UBE2R2: variants seen among roughly 807,000 people sequenced by gnomAD.
UBE2R2 encodes the protein ubiquitin conjugating enzyme E2 R2.
In UBE2R2, 1 loss-of-function variant was observed where a neutral mutation model predicts 27.8. The observed-to-expected ratio is 0.04, with a 90% CI of 0.01 to 0.17. The LOEUF is 0.17. Ranked by LOEUF, UBE2R2 falls within the 10% of genes least tolerant of loss-of-function variation. The pLI is 1.00. For synonymous variants in UBE2R2, 106 were observed against 113.3 expected (o/e 0.94, Z 0.41); for missense variants, 100 against 291.0 (o/e 0.34, Z 4.78).
chr9:33,902,254 T>C (rs937606645), intron 3 of UBE2R2, among the ~76,000 whole-genome samples: 1 of 151,160 alleles, frequency 6.6e-6, no homozygotes, highest in African/African-American at 2.5e-5. Flanking sequence ...CTCACCATGT[T>C]GCCCAGGCTG....
chr9:33,823,255 C>T (rs1001996705), intron 1 of UBE2R2, among the ~76,000 whole-genome samples: 2 of 152,024 alleles, frequency 1.3e-5, no homozygotes, highest in African/African-American at 4.8e-5. Context: ...CCAGGCTTGT[C>T]TTGAACTCCT....
intron 2 of UBE2R2, among the ~76,000 whole-genome samples, chr9:33,889,965 C>T (rs1485386297): frequency 6.6e-6 from 1 of 152,160 alleles, no homozygotes; most frequent in African/African-American, 2.4e-5. Flanking sequence ...CAGGCGTGAG[C>T]CACCGCACCC....
chr9:33,913,239 G>A (rs550092519), intron 4 of UBE2R2, among the ~76,000 whole-genome samples: 4 of 152,154 alleles, frequency 2.6e-5, no homozygotes, highest in Middle Eastern at 3.4e-3. Flanking sequence ...AATTACAGGC[G>A]TGAGCCACTG....
At chr9:33,887,820 G>A (rs1587470152) in intron 2 of UBE2R2, among the ~76,000 whole-genome samples, 1 of 152,138 alleles carries the variant, frequency 6.6e-6, no homozygotes, top group Admixed American at 6.6e-5. Context: ...GGGATTACAG[G>A]CATGCGCCAC....
At chr9:33,849,822 A>G (rs1010840201) in intron 1 of UBE2R2, among the ~76,000 whole-genome samples, 7 of 152,048 alleles carry the variant, frequency 4.6e-5, no homozygotes, top group African/African-American at 7.2e-5. Flanking sequence ...AGATCTTACT[A>G]CTGCGCTCCA....
At chr9:33,889,668 T>G (rs1038326241) in intron 2 of UBE2R2, among the ~76,000 whole-genome samples, 1 of 152,212 alleles carries the variant, frequency 6.6e-6, no homozygotes, top group African/African-American at 2.4e-5. Flanking sequence ...GAGCAAACTT[T>G]TGTCTTGCAA....
intron 4 of UBE2R2, among the ~76,000 whole-genome samples, chr9:33,913,551 C>T (rs926816092): frequency 2.6e-5 from 4 of 152,078 alleles, no homozygotes; most frequent in Non-Finnish European, 4.4e-5. Context: ...TGTGAGCCAC[C>T]GTGCCTGGCC....
intron 1 of UBE2R2, among the ~76,000 whole-genome samples, chr9:33,857,008 T>C (rs975697750): frequency 3.4e-5 from 5 of 149,018 alleles, no homozygotes; most frequent in Admixed American, 2.0e-4. Context: ...GTGATTCTCC[T>C]GCCTTAGCCT....
chr9:33,839,022 C>G (rs1475177189), intron 1 of UBE2R2, among the ~76,000 whole-genome samples: 1 of 148,586 alleles, frequency 6.7e-6, no homozygotes, highest in Non-Finnish European at 1.5e-5. Context: ...ATGGAGGTTG[C>G]AGTGAGCTGA....
In UBE2R2 at chr9:33,819,109, G is replaced by T. The variant is rs1254702317; in HGVS notation, c.177+1175G>T. Among the ~76,000 whole-genome samples, 4 of 152,228 alleles carry T rather than the reference G, an allele frequency of 2.6e-5. No individual in the cohort carries two copies. In the South Asian group the frequency reaches 6.2e-4, roughly 24 times the overall value. On this transcript the variant is annotated intron_variant, in intron 1 of 4. Transcript: ENST00000263228. ...AAATGAGTGCTTAGGAATCCATTTAGTTTTATTTTTTTATTTTCAAAATTA... is the reference window on the plus strand; with the variant it reads ...AAATGAGTGCTTAGGAATCCATTTATTTTTATTTTTTTATTTTCAAAATTA...
intron 1 of UBE2R2, among the ~76,000 whole-genome samples, chr9:33,845,537 C>A (rs891815051): frequency 2.0e-5 from 3 of 151,902 alleles, no homozygotes; most frequent in Non-Finnish European, 2.9e-5. Context: ...CGTGAGCCAC[C>A]GCACCCAGCT....
At chr9:33,885,088 T>A (rs571572352) in intron 1 of UBE2R2, among the ~76,000 whole-genome samples, 8 of 152,338 alleles carry the variant, frequency 5.3e-5, no homozygotes, top group African/African-American at 1.9e-4. Flanking sequence ...AGGCTCTGCG[T>A]ATGTGTCATT....
At chr9:33,849,551 C>T (rs1587443149) in intron 1 of UBE2R2, among the ~76,000 whole-genome samples, 3 of 151,710 alleles carry the variant, frequency 2.0e-5, no homozygotes, top group African/African-American at 7.3e-5. Context: ...TAATAACTGC[C>T]TCATAGGGTT....
chr9:33,873,805 T>TA (rs1164050959), intron 1 of UBE2R2, among the ~76,000 whole-genome samples: 6 of 151,928 alleles, frequency 3.9e-5, no homozygotes, highest in Non-Finnish European at 8.8e-5. Context: ...CTGGCTAAGT[T>TA]AAAAAAATTA....
At chr9:33,892,246 T>C (rs527556343) in intron 2 of UBE2R2, among the ~76,000 whole-genome samples, 22 of 152,328 alleles carry the variant, frequency 1.4e-4, no homozygotes, top group African/African-American at 5.3e-4. Flanking sequence ...TCTGGTCATA[T>C]TGTTAAAAAG....
Position 33,917,683 on chromosome 9 carries a change from A to T in UBE2R2, c.*446A>T, listed in dbSNP as rs1367156881. ...CTGGGTAGCAAAAGAAAATGGAAAA[A>T]AACCCACAAAACAAACTTTAAAAAA... On this transcript the variant is annotated 3_prime_UTR_variant, in exon 5 of 5. Transcript: ENST00000263228. The T allele has an allele frequency of 2.0e-5, 5 of 244,264 alleles. No individual in the cohort carries two copies. The highest frequency in any genetic ancestry group is 7.8e-6 in the Non-Finnish European group (1 of 128,310). The allele number at this position is 244,264 out of a possible 1,614,324, so 15.1% of individuals were successfully genotyped here.
chr9:33,852,332 A>T (rs1055531129), intron 1 of UBE2R2, among the ~76,000 whole-genome samples: 5 of 152,120 alleles, frequency 3.3e-5, no homozygotes, highest in African/African-American at 9.7e-5. Flanking sequence ...TGATCACACT[A>T]GTGTTATTTC....
chr9:33,818,099 G>T (rs533686601), intron 1 of UBE2R2, among the ~76,000 whole-genome samples, 165 bp downstream of exon 1: 37 of 152,026 alleles, frequency 2.4e-4, no homozygotes, highest in Non-Finnish European at 1.5e-5. Context: ...GGCCTTGCTC[G>T]CCGAGTGCCT....
intron 1 of UBE2R2, among the ~76,000 whole-genome samples, chr9:33,862,776 A>G (rs1252543825): frequency 6.6e-6 from 1 of 152,194 alleles, no homozygotes; most frequent in African/African-American, 2.4e-5. Flanking sequence ...AAAATTTTAA[A>G]CATTTCCCCC....
Sources: allele counts gnomAD v4.1 joint callset (sites outside exome capture counted in the v4.1 genomes callset), GRCh38; gene constraint gnomAD v4.1.1; transcripts MANE v1.5; gene names NCBI Gene and HGNC (gene_info 2026-07-23, HGNC 2026-07-21).